PSG1: variants seen among roughly 807,000 people sequenced by gnomAD.
PSG1 encodes pregnancy-specific beta-1-glycoprotein 1.
In PSG1, 60 loss-of-function variants were observed where a neutral mutation model predicts 41.4. That is an observed-to-expected ratio of 1.45 (90% CI 1.18 to 1.80). The LOEUF (loss-of-function observed/expected upper bound fraction) is 1.80. PSG1 is among the 40% of genes most tolerant of loss of function. PSG1 has a pLI of 0.00. For synonymous variants in PSG1, 256 were observed against 192.9 expected, an observed-to-expected ratio of 1.33 and a Z score of -2.71; for missense variants, 806 against 516.9, an observed-to-expected ratio of 1.56 and a Z score of -5.42.
chr19:42,867,956 T>G, intron 5 of PSG1, 145 bp downstream of exon 5: 1 of 1,574,870 alleles, frequency 6.3e-7, no homozygotes, highest in Non-Finnish European at 8.6e-7. Flanking sequence ...CTTAGACAAA[T>G]TTGGAGGGTT....
At position 42,875,827 on chromosome 19, in the gene PSG1, T is replaced by TG. The variant is rs1167954945; in HGVS notation, c.430+2085_430+2086insC. Among the ~76,000 whole-genome samples the TG allele has an allele frequency of 4.5e-3, 661 of 146,834 alleles. 9 individuals carry two copies. Among genetic ancestry groups the TG allele is most frequent in the African/African-American group, 0.014 (570 of 39,760 alleles). On this transcript the variant is annotated intron_variant, in intron 2 of 5. Transcript: ENST00000436291. ...ATTTTATTTTATTTATTTATTTGTTTTTTTTTTTTTTTGTGCAGGAGGCCA... is the reference window on the plus strand; with the variant it reads ...ATTTTATTTTATTTATTTATTTGTTTGTTTTTTTTTTTTGTGCAGGAGGCCA...
chr19:42,868,111 G>C lies in PSG1; in HGVS notation c.1233C>G (p.Val411=). 1 of 1,612,334 alleles carries C rather than the reference G, an allele frequency of 6.2e-7. No individual in the cohort carries two copies. Among genetic ancestry groups the C allele is most frequent in the Non-Finnish European group, 8.5e-7 (1 of 1,179,098 alleles). Residue 411 remains valine, a synonymous_variant, in exon 5 of 6, where the codon GTC becomes GTG. Transcript: ENST00000436291. ...TGKESSKSMT[V]EVSDWTVP ...CTGGGATCCACTTACCAGAGACTTCGACTGTCATGGATTTGGAGCTTTCCT... is the reference window on the plus strand; with the variant it reads ...CTGGGATCCACTTACCAGAGACTTCCACTGTCATGGATTTGGAGCTTTCCT...
intron 2 of PSG1, among the ~76,000 whole-genome samples, chr19:42,872,814 CA>C (rs1971450894): frequency 6.6e-6 from 1 of 151,822 alleles, no homozygotes; most frequent in Non-Finnish European, 1.5e-5. Flanking sequence ...AGTTGAGGAC[CA>C]TGTGGATCTT....
At chr19:42,877,396 G>T (rs540418565) in intron 2 of PSG1, among the ~76,000 whole-genome samples, 2 of 151,710 alleles carry the variant, frequency 1.3e-5, no homozygotes, top group African/African-American at 4.8e-5. Flanking sequence ...ACAGCTCCAG[G>T]AGACACAGTC....
rs538844913 is a variant in PSG1, at chr19:42,871,988, T to A, written c.488A>T (p.Glu163Val). ...SSNLNPRETMEAVSLTCDPET... is the reference protein window; with the variant it reads ...SSNLNPRETMVAVSLTCDPET... ...AGGGTCACAGGTTAAGCTCACAGCC[T>A]CCATGGTCTCCCTGGGATTTAAGTT... is the stretch of plus-strand genomic sequence containing the variant. Residue 163 changes from glutamate (E) to valine (V), a missense_variant, in exon 3 of 6, where the codon GAG (glutamate) becomes GTG (valine). By Grantham distance (121) the Glu-to-Val change is moderately radical. Coordinates refer to ENST00000436291, the MANE Select transcript of PSG1 (RefSeq NM_001184825.2). 7 of 1,612,294 alleles carry A rather than the reference T, an allele frequency of 4.3e-6. No individual in the cohort carries two copies. The East Asian group carries it at 8.9e-5, about 21-fold the overall frequency.
At chr19:42,869,134 C>G in intron 3 of PSG1, 100 bp from the exon 4 acceptor site, 1 of 1,556,574 alleles carries the variant, frequency 6.4e-7, no homozygotes, top group African/African-American at 1.4e-5. Flanking sequence ...CTCATTCCAC[C>G]CGAGTCCTTG....
rs60169696 is a variant in PSG1 at position 42,874,889 on chromosome 19, T to A, written c.431-2844A>T. 4.1e-3 allele frequency among the ~76,000 whole-genome samples: 621 copies of A among 151,708 alleles called. 13 individuals carry two copies. The highest frequency in any genetic ancestry group is 0.013 in the African/African-American group (558 of 41,350). On this transcript the variant is annotated intron_variant, in intron 2 of 5. Coordinates refer to ENST00000436291, the MANE Select transcript of PSG1 (RefSeq NM_001184825.2). ...TGAGGGATTTTAACAAGTTGTTGAC[T>A]TTTGAGTTTGTTCAGCTTTTTACTT... is the stretch of plus-strand genomic sequence containing the variant.
chr19:42,871,995 T>A lies in PSG1; in HGVS notation c.481A>T (p.Thr161Ser). ...CAGGTTAAGCTCACAGCCTCCATGG[T>A]CTCCCTGGGATTTAAGTTGCTGCTG... Reference protein sequence around the residue: ...ISSSNLNPRETMEAVSLTCDP... With the variant: ...ISSSNLNPRESMEAVSLTCDP... The change falls in exon 3 of 6, where the codon ACC becomes TCC. Residue 161 changes from threonine (T) to serine (S), a missense_variant. By Grantham distance (58) the Thr-to-Ser change is moderately conservative. Coordinates refer to ENST00000436291, the MANE Select transcript of PSG1 (RefSeq NM_001184825.2). The A allele has an allele frequency of 6.2e-7, 1 of 1,612,302 alleles. No homozygotes were observed. The highest frequency in any genetic ancestry group is 8.5e-7 in the Non-Finnish European group (1 of 1,179,136).
At chr19:42,874,883 G>A (rs1218942468) in intron 2 of PSG1, among the ~76,000 whole-genome samples, 1 of 151,504 alleles carries the variant, frequency 6.6e-6, no homozygotes, top group African/African-American at 2.4e-5. Context: ...TTAACAAGTT[G>A]TTGACTTTTG....
chr19:42,871,185 G>C (rs1300839604), intron 3 of PSG1, among the ~76,000 whole-genome samples: 4 of 151,592 alleles, frequency 2.6e-5, no homozygotes, highest in Non-Finnish European at 4.4e-5. Context: ...CTAGATCCCT[G>C]TATATGTTTT....
At chr19:42,877,231 A>T (rs1307816333) in intron 2 of PSG1, among the ~76,000 whole-genome samples, 1 of 151,488 alleles carries the variant, frequency 6.6e-6, no homozygotes, top group Middle Eastern at 3.2e-3. Flanking sequence ...GCTTCTGGGG[A>T]CATTAGTCTT....
At chr19:42,871,316 T>TGGTAATAG (rs1971372436) in intron 3 of PSG1, among the ~76,000 whole-genome samples, 1 of 151,530 alleles carries the variant, frequency 6.6e-6, no homozygotes, top group Non-Finnish European at 1.5e-5. Context: ...TTCCCCTGTA[T>TGGTAATAG]GGTAATAGGT....
intron 3 of PSG1, 83 bp downstream of exon 3, chr19:42,871,684 C>T (rs922789884): frequency 2.5e-6 from 4 of 1,611,892 alleles, no homozygotes; most frequent in African/African-American, 2.7e-5. Context: ...TGTATTGGAC[C>T]TGAGAGGGAC....
In PSG1 at chr19:42,868,183, C is replaced by T. The variant is rs749166078; in HGVS notation, c.1161G>A (p.Lys387=). Residue 387 remains lysine, a synonymous_variant, in exon 5 of 6, where the codon AAG becomes AAA. Transcript: ENST00000436291. ...CAGAGCAAACATAGAGCCCGCTATG[C>T]TTTGTAGTAATATGGCGGATAAAGA... ...QKLFIRHITT[K]HSGLYVCSVR... is the part of the protein sequence containing the mutation. 3 of 1,612,386 alleles carry T rather than the reference C, an allele frequency of 1.9e-6. No homozygotes were observed. Among genetic ancestry groups the T allele is most frequent in the Admixed American group, 1.7e-5 (1 of 59,876 alleles).
chr19:42,870,871 T>C (rs1438893332), intron 3 of PSG1, among the ~76,000 whole-genome samples: 4 of 151,768 alleles, frequency 2.6e-5, no homozygotes, highest in Admixed American at 2.6e-4. Context: ...TTAATGTGAA[T>C]TGAAATTATT....
chr19:42,877,197 G>C (rs1427701702), intron 2 of PSG1, among the ~76,000 whole-genome samples: 1 of 151,570 alleles, frequency 6.6e-6, no homozygotes, highest in Non-Finnish European at 1.5e-5. Context: ...CTGCTACCTG[G>C]TACATCTTCT....
chr19:42,876,570 C>G (rs1437809263), intron 2 of PSG1, among the ~76,000 whole-genome samples: 1 of 151,380 alleles, frequency 6.6e-6, no homozygotes, highest in Non-Finnish European at 1.5e-5. Flanking sequence ...GTGTGTCTCT[C>G]TCGCTGGGCC....
chr19:42,868,613 C>G, intron 4 of PSG1, 143 bp downstream of exon 4: 1 of 1,513,786 alleles, frequency 6.6e-7, no homozygotes, highest in South Asian at 1.3e-5. Context: ...CCAGGATTTC[C>G]CAGGGCAGGG....
intron 3 of PSG1, chr19:42,869,870 A>G (rs568807483): frequency 2.3e-4 from 35 of 151,866 alleles, no homozygotes; most frequent in South Asian, 1.7e-3. Context: ...ACTGACTGGT[A>G]GAAAGGGTGG....
Sources: gnomAD v4.1 joint callset for allele counts (sites outside exome capture counted in the v4.1 genomes callset) on GRCh38, gnomAD v4.1.1 for gene constraint, MANE v1.5 for transcripts, NCBI Gene and HGNC (gene_info 2026-07-23, HGNC 2026-07-21) for gene names.